PCDHA6: variants seen among roughly 807,000 people sequenced by gnomAD.
PCDHA6 encodes the protein protocadherin alpha-6.
In PCDHA6, 55 loss-of-function variants were observed where a neutral mutation model predicts 60.3. The observed-to-expected ratio is 0.91, with a 90% CI of 0.73 to 1.14. The LOEUF (loss-of-function observed/expected upper bound fraction) is 1.14. Ranked by LOEUF, PCDHA6 falls within the 50% of genes most tolerant of loss-of-function variation. The pLI is 0.00. For missense variants in PCDHA6, 1,327 were observed against 1,256.5 expected (o/e 1.06, Z -0.85); for synonymous variants, 652 against 557.9 (o/e 1.17, Z -2.38).
At chr5:140,914,501 C>T (rs1231907689) in intron 1 of PCDHA6, among the ~76,000 whole-genome samples, 1 of 152,084 alleles carries the variant, frequency 6.6e-6, no homozygotes, top group African/African-American at 2.4e-5. Context: ...GGCAACAGAT[C>T]ATTGGGTCAT....
chr5:140,882,120 C>G, intron 1 of PCDHA6: 4 of 1,448,936 alleles, frequency 2.8e-6, no homozygotes. Flanking sequence ...GCCGCCGTTT[C>G]TTTCTTCCTG....
chr5:140,867,971 C>T (rs1230179778), intron 1 of PCDHA6: 1 of 152,032 alleles, frequency 6.6e-6, no homozygotes, highest in African/African-American at 2.4e-5. Flanking sequence ...ATTCTTTCAA[C>T]AAGAAACAAA....
chr5:140,968,262 A>G, intron 1 of PCDHA6: 5 of 1,614,054 alleles, frequency 3.1e-6, no homozygotes, highest in Non-Finnish European at 4.2e-6. Flanking sequence ...CCAGATGAAA[A>G]GGAGAATGCA....
chr5:140,902,976 G>T (rs2069915302), intron 1 of PCDHA6, among the ~76,000 whole-genome samples: 1 of 152,140 alleles, frequency 6.6e-6, no homozygotes, highest in African/African-American at 2.4e-5. Flanking sequence ...GGGCATTTAG[G>T]TTGGTTCCAT....
chr5:140,829,919 G>A lies in PCDHA6; in HGVS notation c.1828G>A (p.Glu610Lys), dbSNP rs2150177780. Residue 610 changes from glutamate to lysine, a missense_variant, in exon 1 of 4, where the codon GAG becomes AAG. Physicochemically the swap from Glu to Lys is moderately conservative, Grantham distance 56. Coordinates refer to ENST00000529310, the MANE Select transcript of PCDHA6 (RefSeq NM_018909.4). ...DSGYNAWLSY[E>K]LQPPASSARF... ...AGGCTACAACGCGTGGCTTTCGTAT[G>A]AGCTGCAGCCCCCGGCAAGCAGCGC... 1.9e-6 allele frequency: 3 copies of A among 1,613,902 alleles called. No individual in the cohort carries two copies. Among genetic ancestry groups the A allele is most frequent in the Non-Finnish European group, 1.7e-6 (2 of 1,179,920 alleles).
chr5:140,925,641 TATAATAATA>T (rs10569930), intron 1 of PCDHA6, among the ~76,000 whole-genome samples: 3,728 of 143,338 alleles, frequency 0.026, 107 homozygotes, highest in African/African-American at 0.059. Context: ...GAACTTAAAG[TATAATAATA>T]ATAATAATAA....
intron 1 of PCDHA6, among the ~76,000 whole-genome samples, chr5:140,878,731 A>T (rs1037542413): frequency 1.3e-5 from 2 of 152,252 alleles, no homozygotes; most frequent in Admixed American, 6.5e-5. Context: ...TTCCAGCCTT[A>T]TATCTACTTT....
At position 140,939,517 on chromosome 5, in the gene PCDHA6, G is replaced by GACATTGTAGAATTATAGAATTCTACATAA. The variant is rs559604027; in HGVS notation, c.2395-39432_2395-39431insACATTGTAGAATTATAGAATTCTACATAA. 5.4e-3 allele frequency among the ~76,000 whole-genome samples: 825 copies of GACATTGTAGAATTATAGAATTCTACATAA among 152,166 alleles called. 3 individuals carry two copies. Among genetic ancestry groups the GACATTGTAGAATTATAGAATTCTACATAA allele is most frequent in the African/African-American group, 0.019 (794 of 41,518 alleles). On this transcript the variant is annotated intron_variant, in intron 1 of 3. Coordinates refer to ENST00000529310, the MANE Select transcript of PCDHA6 (RefSeq NM_018909.4). Reference sequence around the variant, plus strand: ...AAATTCAATGTCTATAACATTAATAGTTATAGAATTATACAGAGCCTCTAT... The same window carrying GACATTGTAGAATTATAGAATTCTACATAA: ...AAATTCAATGTCTATAACATTAATAGACATTGTAGAATTATAGAATTCTACATAATTATAGAATTATACAGAGCCTCTAT...
intron 1 of PCDHA6, chr5:140,876,771 T>C: frequency 6.2e-7 from 1 of 1,614,228 alleles, no homozygotes; most frequent in African/African-American, 1.3e-5. Flanking sequence ...GGGGCTCGCC[T>C]TCGCTGTGGG....
At chr5:140,870,929 A>C in intron 1 of PCDHA6, 3 of 1,613,868 alleles carry the variant, frequency 1.9e-6, no homozygotes, top group Non-Finnish European at 2.5e-6. Context: ...CTTTCATATG[A>C]ATTGCAGCCG....
Position 140,884,409 on chromosome 5 carries a change from C to G in PCDHA6, c.2394+53924C>G, listed in dbSNP as rs373513056. The G allele has an allele frequency of 2.7e-5, 43 of 1,613,874 alleles. No individual in the cohort carries two copies. The highest frequency in any genetic ancestry group is 4.0e-5 in the African/African-American group (3 of 74,930). On this transcript the variant is annotated intron_variant, in intron 1 of 3. Coordinates refer to ENST00000529310, the MANE Select transcript of PCDHA6 (RefSeq NM_018909.4). ...GCGGTGTCCAGCCTGTTGGTGCTCA[C>G]GTTGCTGCTGTATACTGCGCTGCGG...
At chr5:140,927,183 C>G (rs1554204140) in intron 1 of PCDHA6, 2 of 1,614,042 alleles carry the variant, frequency 1.2e-6, no homozygotes, top group African/African-American at 2.7e-5. Flanking sequence ...TCTTGACCTA[C>G]GACCTGGTGC....
At chr5:140,974,894 A>C (rs1554236433) in intron 1 of PCDHA6, among the ~76,000 whole-genome samples, 2 of 152,184 alleles carry the variant, frequency 1.3e-5, no homozygotes, top group Admixed American at 6.5e-5. Context: ...TTTTCTGATG[A>C]TTTGTAACAA....
At position 140,828,325 on chromosome 5, in the gene PCDHA6, T is replaced by C. The variant is rs2150154082; in HGVS notation, c.234T>C (p.Asn78=). 1 of 1,614,220 alleles carries C rather than the reference T, an allele frequency of 6.2e-7. No individual in the cohort carries two copies. ...SKDREDLLEV[N]LQNGILFVNS... Reference sequence around the variant, plus strand: ...ACCGCGAGGACCTTCTGGAGGTAAATCTGCAGAATGGCATTTTGTTTGTGA... The same window carrying C: ...ACCGCGAGGACCTTCTGGAGGTAAACCTGCAGAATGGCATTTTGTTTGTGA... Residue 78 remains asparagine, a synonymous_variant, in exon 1 of 4, where the codon AAT becomes AAC. Transcript: ENST00000529310.
chr5:140,841,624 G>C, intron 1 of PCDHA6: 1 of 1,614,152 alleles, frequency 6.2e-7, no homozygotes, highest in Non-Finnish European at 8.5e-7. Flanking sequence ...GGAGCGCGGA[G>C]TGCAGCATCC....
At chr5:140,952,750 A>T (rs1240610789) in intron 1 of PCDHA6, among the ~76,000 whole-genome samples, 2 of 152,326 alleles carry the variant, frequency 1.3e-5, no homozygotes, top group Non-Finnish European at 2.9e-5. Context: ...CTGCTATAAA[A>T]ACACCTGAGA....
intron 1 of PCDHA6, among the ~76,000 whole-genome samples, chr5:140,910,284 A>G (rs2153514340): frequency 6.6e-6 from 1 of 152,292 alleles, no homozygotes; most frequent in East Asian, 1.9e-4. Context: ...GAACACCATG[A>G]TTAATCAACA....
At chr5:140,968,846 C>T (rs1554231159) in intron 1 of PCDHA6, 1 of 1,614,186 alleles carries the variant, frequency 6.2e-7, no homozygotes. Context: ...CACTCAGAGG[C>T]ATGTTAAGAG....
rs1337120304 is a variant in PCDHA6, at chr5:140,839,855, G to A, written c.2394+9370G>A. The stretch of plus-strand genomic sequence containing the variant: ...ATGAATCCATGGAGAATTTACTTTT[G>A]AGGTGGACTTTGAAAGATGAATAGA... On this transcript the variant is annotated intron_variant, in intron 1 of 3. Coordinates refer to ENST00000529310, the MANE Select transcript of PCDHA6 (RefSeq NM_018909.4). Among the ~76,000 whole-genome samples, 4 of 151,970 alleles carry A rather than the reference G, an allele frequency of 2.6e-5. 1 individual carries two copies. The highest frequency in any genetic ancestry group is 9.7e-5 in the African/African-American group (4 of 41,328).
Sources: gnomAD v4.1 joint callset for allele counts (sites outside exome capture counted in the v4.1 genomes callset) on GRCh38, gnomAD v4.1.1 for gene constraint, MANE v1.5 for transcripts, NCBI Gene and HGNC (gene_info 2026-07-23, HGNC 2026-07-21) for gene names.